Variants in PROS1 observed in about 807,000 individuals in gnomAD.
PROS1 encodes the protein vitamin K-dependent protein S.
In PROS1, 29 loss-of-function variants were observed where a neutral mutation model predicts 75.9. The observed-to-expected ratio is 0.38, with a 90% CI of 0.28 to 0.52. The LOEUF (loss-of-function observed/expected upper bound fraction) is 0.52, where lower values mean the gene tolerates loss of function less well. Ranked by LOEUF, PROS1 falls within the 20% of genes least tolerant of loss-of-function variation. The probability of loss-of-function intolerance (pLI) is 0.83; values close to 1 mark genes in which losing one functional copy is unlikely to be tolerated. For missense variants in PROS1, 680 were observed against 810.3 expected (o/e 0.84, Z 1.95); for synonymous variants, 245 against 280.6 (o/e 0.87, Z 1.27).
intron 1 of PROS1, among the ~76,000 whole-genome samples, chr3:93,930,863 T>A (rs563121439): frequency 1.7e-3 from 261 of 152,334 alleles, no homozygotes; most frequent in Non-Finnish European, 1.7e-3. Flanking sequence ...CTCTCAGACC[T>A]GCAATCCATT....
chr3:93,909,802 C>A (rs1327488013), intron 4 of PROS1, among the ~76,000 whole-genome samples: 5 of 151,152 alleles, frequency 3.3e-5, no homozygotes, highest in African/African-American at 1.2e-4. Flanking sequence ...TTAAAAAAGT[C>A]TTCATAGGAT....
intron 4 of PROS1, 34 bp from the exon 5 acceptor site, chr3:93,906,177 T>C (rs929745627): frequency 6.2e-7 from 1 of 1,608,626 alleles, no homozygotes; most frequent in African/African-American, 1.3e-5. Context: ...ATTTTTTTTA[T>C]CTCATGTCAT....
chr3:93,883,110 T>TGGGTACAA (rs1708295961), intron 12 of PROS1, among the ~76,000 whole-genome samples: 1 of 152,152 alleles, frequency 6.6e-6, no homozygotes, highest in African/African-American at 2.4e-5. Flanking sequence ...ATACAACACC[T>TGGGTACAA]GCCTAAGACT....
intron 1 of PROS1, among the ~76,000 whole-genome samples, chr3:93,959,891 G>A (rs1045128816): frequency 2.6e-5 from 4 of 152,188 alleles, no homozygotes; most frequent in African/African-American, 9.7e-5. Context: ...AGCCAACTCA[G>A]TGTAATAATA....
chr3:93,893,457 A>G (rs776423179), intron 9 of PROS1, among the ~76,000 whole-genome samples: 3 of 152,224 alleles, frequency 2.0e-5, no homozygotes, highest in Non-Finnish European at 4.4e-5. Context: ...TATAAGTATC[A>G]GGCATACTAT....
chr3:93,961,113 A>G (rs535902812), intron 1 of PROS1, among the ~76,000 whole-genome samples: 114 of 152,326 alleles, frequency 7.5e-4, no homozygotes, highest in African/African-American at 2.7e-3. Context: ...TAAAACTTGA[A>G]TAGTCTTTGG....
At chr3:93,889,877 A>T (rs1350589623) in intron 10 of PROS1, among the ~76,000 whole-genome samples, 2 of 152,164 alleles carry the variant, frequency 1.3e-5, no homozygotes. Context: ...TTGAAAAAGA[A>T]CAGAATAACA....
intron 1 of PROS1, among the ~76,000 whole-genome samples, chr3:93,929,989 A>C (rs901745530): frequency 6.6e-6 from 1 of 152,244 alleles, no homozygotes; most frequent in Non-Finnish European, 1.5e-5. Flanking sequence ...GAAGAAAGAA[A>C]AAAGCAAAAA....
At chr3:93,967,491 A>C (rs920837432) in intron 1 of PROS1, among the ~76,000 whole-genome samples, 3 of 152,170 alleles carry the variant, frequency 2.0e-5, no homozygotes, top group African/African-American at 7.2e-5. Context: ...GGAATGATGA[A>C]CTCACCAATT....
intron 4 of PROS1, among the ~76,000 whole-genome samples, chr3:93,908,323 C>T (rs1308791676): frequency 6.6e-6 from 1 of 152,102 alleles, no homozygotes; most frequent in African/African-American, 2.4e-5. Context: ...CAAGCTGAGA[C>T]CTACAATTGG....
At chr3:93,930,853 C>T (rs1709095583) in intron 1 of PROS1, among the ~76,000 whole-genome samples, 1 of 152,190 alleles carries the variant, frequency 6.6e-6, no homozygotes, top group Non-Finnish European at 1.5e-5. Flanking sequence ...GGCATCCCAA[C>T]TCTCAGACCT....
At chr3:93,898,109 A>G (rs1708530209) in intron 8 of PROS1, among the ~76,000 whole-genome samples, 1 of 152,066 alleles carries the variant, frequency 6.6e-6, no homozygotes, top group East Asian at 1.9e-4. Flanking sequence ...TGAAGTTTCT[A>G]TGAGAGATTT....
chr3:93,882,120 A>T (rs1343988269), intron 12 of PROS1, among the ~76,000 whole-genome samples: 5 of 152,190 alleles, frequency 3.3e-5, no homozygotes, highest in Admixed American at 6.5e-5. Flanking sequence ...TTAATTTTTG[A>T]ACTATCAGAT....
At chr3:93,928,255 C>A (rs1338875273) in intron 1 of PROS1, among the ~76,000 whole-genome samples, 2 of 149,172 alleles carry the variant, frequency 1.3e-5, no homozygotes, top group Non-Finnish European at 3.0e-5. Context: ...CACTTGAGTG[C>A]AGGAATTCAA....
At chr3:93,890,747 T>A (rs991594501) in intron 10 of PROS1, among the ~76,000 whole-genome samples, 1 of 152,218 alleles carries the variant, frequency 6.6e-6, no homozygotes, top group African/African-American at 2.4e-5. Context: ...ACTGAATAAA[T>A]GAGTGCATGT....
intron 3 of PROS1, among the ~76,000 whole-genome samples, chr3:93,919,920 T>C (rs1708920270): frequency 6.6e-6 from 1 of 152,204 alleles, no homozygotes; most frequent in Non-Finnish European, 1.5e-5. Flanking sequence ...TTCTGTTCAG[T>C]TTCATGTTCT....
intron 9 of PROS1, among the ~76,000 whole-genome samples, chr3:93,894,953 C>T (rs1282778303): frequency 6.6e-6 from 1 of 152,050 alleles, no homozygotes; most frequent in Non-Finnish European, 1.5e-5. Context: ...TACTATGAAT[C>T]GTCAGTGAGA....
intron 1 of PROS1, among the ~76,000 whole-genome samples, chr3:93,943,607 C>A (rs1308174642): frequency 7.9e-5 from 12 of 152,098 alleles, no homozygotes; most frequent in Admixed American, 7.9e-4. Context: ...CCATACCACC[C>A]CCCCAAAATT....
intron 8 of PROS1, among the ~76,000 whole-genome samples, chr3:93,897,295 T>C (rs529913917): frequency 4.5e-4 from 69 of 152,054 alleles, no homozygotes; most frequent in African/African-American, 1.6e-3. Flanking sequence ...TATCAAGTAT[T>C]TTTTTTCTAC....
Sources: allele counts gnomAD v4.1 joint callset (sites outside exome capture counted in the v4.1 genomes callset), GRCh38; gene constraint gnomAD v4.1.1; transcripts MANE v1.5; gene names NCBI Gene and HGNC (gene_info 2026-07-23, HGNC 2026-07-21).